PDGFC: variants seen among roughly 807,000 people sequenced by gnomAD.
The protein encoded by PDGFC is platelet derived growth factor C, also known as platelet-derived growth factor C.
A neutral mutation model predicts 35.5 loss-of-function variants in PDGFC; 12 were observed. That is an observed-to-expected ratio of 0.34 (90% CI 0.22 to 0.55). The LOEUF is 0.55. PDGFC is among the 20% of genes least tolerant of loss of function. The pLI, the probability that PDGFC is intolerant of heterozygous loss-of-function variation, is 0.91. For missense variants in PDGFC, 322 were observed against 412.4 expected (o/e 0.78, Z 1.90); for synonymous variants, 159 against 148.8 (o/e 1.07, Z -0.50).
Position 156,792,730 on chromosome 4 carries a change from A to G in PDGFC, c.495+18107T>C, listed in dbSNP as rs535418963. Among the ~76,000 whole-genome samples, 3 of 152,262 alleles carry G rather than the reference A, an allele frequency of 2.0e-5. No individual in the cohort carries two copies. The East Asian group carries it at 5.8e-4, about 29-fold the overall frequency. ...ACAATGAATAACTGTGGTTTCCAAAACCTTTAATCTGCATTTCCAATTATA... is the reference window on the plus strand; with the variant it reads ...ACAATGAATAACTGTGGTTTCCAAAGCCTTTAATCTGCATTTCCAATTATA... On this transcript the variant is annotated intron_variant, in intron 3 of 5. Transcript: ENST00000502773.
At chr4:156,802,655 T>A (rs17228328) in intron 3 of PDGFC, among the ~76,000 whole-genome samples, 23,133 of 151,854 alleles carry the variant, frequency 0.15, 1,787 homozygotes, top group South Asian at 0.23. Context: ...GTTAATCAAC[T>A]CAGCTCCTAG....
chr4:156,821,430 A>G (rs1219360992), intron 2 of PDGFC, among the ~76,000 whole-genome samples: 2 of 151,872 alleles, frequency 1.3e-5, no homozygotes, highest in Non-Finnish European at 2.9e-5. Flanking sequence ...TGTAGAGATA[A>G]GGGTCTCACT....
intron 1 of PDGFC, among the ~76,000 whole-genome samples, chr4:156,940,541 T>A (rs1731781017): frequency 6.6e-6 from 1 of 152,114 alleles, no homozygotes; most frequent in Non-Finnish European, 1.5e-5. Flanking sequence ...CTGGTACTCT[T>A]AGAATAAACA....
intron 1 of PDGFC, among the ~76,000 whole-genome samples, chr4:156,966,926 CCTA>C (rs1341597412): frequency 2.6e-5 from 4 of 152,076 alleles, no homozygotes; most frequent in Admixed American, 2.0e-4. Flanking sequence ...TTTTTAATCA[CCTA>C]CTGTGAAAAG....
At chr4:156,936,020 A>G (rs573714520) in intron 1 of PDGFC, among the ~76,000 whole-genome samples, 105 of 152,344 alleles carry the variant, frequency 6.9e-4, no homozygotes, top group Middle Eastern at 3.4e-3. Flanking sequence ...TTGTAATTAC[A>G]AATCAGTATC....
chr4:156,948,544 C>T (rs556891194), intron 1 of PDGFC, among the ~76,000 whole-genome samples: 167 of 152,016 alleles, frequency 1.1e-3, no homozygotes, highest in Admixed American at 2.7e-3. Flanking sequence ...GGAGAAAATG[C>T]TATTTGTATT....
At chr4:156,870,240 A>G (rs1729947240) in intron 1 of PDGFC, among the ~76,000 whole-genome samples, 1 of 152,176 alleles carries the variant, frequency 6.6e-6, no homozygotes, top group Admixed American at 6.5e-5. Flanking sequence ...CTATATATTT[A>G]TAACACTTTA....
At chr4:156,913,320 C>T (rs1435048804) in intron 1 of PDGFC, among the ~76,000 whole-genome samples, 1 of 151,994 alleles carries the variant, frequency 6.6e-6, no homozygotes, top group Admixed American at 6.6e-5. Context: ...CTAACAAGGA[C>T]TGCCTACATG....
chr4:156,834,430 G>T (rs1399080425), intron 2 of PDGFC, among the ~76,000 whole-genome samples: 2 of 152,040 alleles, frequency 1.3e-5, no homozygotes, highest in Admixed American at 6.5e-5. Context: ...ACAATCCCAT[G>T]AAATAATTTT....
intron 2 of PDGFC, among the ~76,000 whole-genome samples, chr4:156,824,327 T>TATATATACACACATACACATAC (rs1491500876): frequency 1.9e-5 from 2 of 102,836 alleles, no homozygotes; most frequent in Admixed American, 9.8e-5. Context: ...TATATATATA[T>TATATATACACACATACACATAC]ACACACACAC....
Position 156,936,193 on chromosome 4 carries a change from C to T in PDGFC, c.118+34593G>A, listed in dbSNP as rs578184957. ...TTTAGTGAAATCAGTATCCACCCAA[C>T]GTCGTAATAGAATGAGTTTCAAAAA... On this transcript the variant is annotated intron_variant, in intron 1 of 5. Transcript: ENST00000502773. Among the ~76,000 whole-genome samples, 131 of 152,300 alleles carry T rather than the reference C, an allele frequency of 8.6e-4. 1 individual carries two copies. The highest frequency in any genetic ancestry group is 1.8e-3 in the Non-Finnish European group (120 of 68,016).
intron 1 of PDGFC, among the ~76,000 whole-genome samples, chr4:156,897,345 AGTGTATGTGT>A (rs1039165755): frequency 1.5e-4 from 13 of 86,446 alleles, no homozygotes; most frequent in South Asian, 3.2e-4. Flanking sequence ...AGTGTGTGAG[AGTGTATGTGT>A]GTGTGTGTGT....
At chr4:156,767,091 T>C (rs543254219) in intron 5 of PDGFC, among the ~76,000 whole-genome samples, 16 of 152,200 alleles carry the variant, frequency 1.1e-4, no homozygotes, top group Middle Eastern at 3.4e-3. Context: ...GATAGAATGA[T>C]GCTGTATGAT....
intron 2 of PDGFC, among the ~76,000 whole-genome samples, chr4:156,821,897 G>A (rs1732272143): frequency 6.6e-6 from 1 of 151,982 alleles, no homozygotes; most frequent in African/African-American, 2.4e-5. Flanking sequence ...CTTAGTGTGG[G>A]GTATGAGAGA....
At chr4:156,828,931 T>G (rs2111014274) in intron 2 of PDGFC, among the ~76,000 whole-genome samples, 1 of 152,268 alleles carries the variant, frequency 6.6e-6, no homozygotes, top group Non-Finnish European at 1.5e-5. Context: ...ACTTAGCAAT[T>G]TTAAGAAAAT....
At chr4:156,963,200 G>T (rs1322474335) in intron 1 of PDGFC, among the ~76,000 whole-genome samples, 1 of 152,126 alleles carries the variant, frequency 6.6e-6, no homozygotes, top group Non-Finnish European at 1.5e-5. Context: ...GGGCACAGTG[G>T]CTCACCTCTG....
At chr4:156,961,650 G>A (rs1428907462) in intron 1 of PDGFC, among the ~76,000 whole-genome samples, 2 of 152,118 alleles carry the variant, frequency 1.3e-5, no homozygotes, top group African/African-American at 4.8e-5. Flanking sequence ...GATACTCAAT[G>A]AAGTGTAACC....
At chr4:156,919,838 T>C (rs1731232404) in intron 1 of PDGFC, among the ~76,000 whole-genome samples, 2 of 152,198 alleles carry the variant, frequency 1.3e-5, no homozygotes, top group Non-Finnish European at 2.9e-5. Flanking sequence ...TGATACACTT[T>C]GTATATTTGT....
chr4:156,846,484 C>A (rs917573296), intron 2 of PDGFC, among the ~76,000 whole-genome samples: 1 of 151,354 alleles, frequency 6.6e-6, no homozygotes, highest in Non-Finnish European at 1.5e-5. Context: ...AAATTCCTGA[C>A]CAATGTCATG....
Sources: allele counts gnomAD v4.1 joint callset (sites outside exome capture counted in the v4.1 genomes callset), GRCh38; gene constraint gnomAD v4.1.1; transcripts MANE v1.5; gene names NCBI Gene and HGNC (gene_info 2026-07-23, HGNC 2026-07-21).